Variants in SRGAP3 observed in about 807,000 individuals in gnomAD.
SRGAP3 encodes SLIT-ROBO Rho GTPase activating protein 3, also known as SLIT-ROBO Rho GTPase-activating protein 3.
A neutral mutation model predicts 121.1 loss-of-function variants in SRGAP3; 39 were observed. The ratio of observed to expected loss-of-function variants is 0.32; its 90% CI spans 0.25 to 0.42. The LOEUF (loss-of-function observed/expected upper bound fraction) is 0.42. SRGAP3 is among the 10% of genes least tolerant of loss of function. The pLI is 1.00. For missense variants in SRGAP3, 1,213 were observed against 1,470.6 expected (o/e 0.82, Z 2.86); for synonymous variants, 601 against 570.0 (o/e 1.05, Z -0.77).
At chr3:8,986,473 C>T (rs1449567553) in intron 21 of SRGAP3, among the ~76,000 whole-genome samples, 2 of 152,166 alleles carry the variant, frequency 1.3e-5, no homozygotes, top group African/African-American at 4.8e-5. Flanking sequence ...TTCATTTAAT[C>T]CTCACACTTC....
intron 1 of SRGAP3, among the ~76,000 whole-genome samples, chr3:9,183,918 G>A (rs1169311372): frequency 1.3e-5 from 2 of 151,252 alleles, no homozygotes; most frequent in African/African-American, 2.4e-5. Flanking sequence ...TGCCTCTTTT[G>A]TGGAGCCAGT....
chr3:9,096,966 TATATATATATATATAC>T lies in SRGAP3; in HGVS notation c.423+7698_423+7713del, dbSNP rs1301294005. On this transcript the variant is annotated intron_variant, in intron 3 of 21. Coordinates refer to ENST00000383836, the MANE Select transcript of SRGAP3 (RefSeq NM_014850.4). ...ATATATATATATATATATATATATATATATATATATATATACACATACACACACATATATATATATT... is the reference window on the plus strand; with the variant it reads ...ATATATATATATATATATATATATATACATACACACACATATATATATATT... Among the ~76,000 whole-genome samples, 166 of 95,544 alleles carry T rather than the reference TATATATATATATATAC, an allele frequency of 1.7e-3. 1 individual carries two copies. The highest frequency in any genetic ancestry group is 2.2e-3 in the African/African-American group (36 of 16,506). 62.7% of individuals were successfully genotyped at this position (95,544 alleles called of 152,430 possible). A position where few individuals can be genotyped will look rare whatever the true frequency, so the allele number is the denominator to read the frequency against.
chr3:9,069,017 C>G (rs1946555434), intron 4 of SRGAP3, among the ~76,000 whole-genome samples: 1 of 152,182 alleles, frequency 6.6e-6, no homozygotes, highest in Non-Finnish European at 1.5e-5. Context: ...ATGAGAAAAC[C>G]ATGGCCCAGA....
intron 3 of SRGAP3, among the ~76,000 whole-genome samples, chr3:9,296,053 G>A (rs976502687): frequency 1.3e-5 from 2 of 152,134 alleles, no homozygotes; most frequent in African/African-American, 4.8e-5. Flanking sequence ...ATGGATGTCT[G>A]GTGCTGTTTC....
intron 3 of SRGAP3, among the ~76,000 whole-genome samples, chr3:9,099,846 T>A (rs140428173): frequency 5.1e-4 from 78 of 152,048 alleles, no homozygotes; most frequent in African/African-American, 1.8e-3. Context: ...CGCAGTGAGG[T>A]AATGTTTAAA....
intron 3 of SRGAP3, among the ~76,000 whole-genome samples, chr3:9,285,752 T>C (rs1424967262): frequency 2.1e-5 from 3 of 141,092 alleles, no homozygotes; most frequent in Non-Finnish European, 3.0e-5. Context: ...CTGGGCAACA[T>C]AGTGACGCCC....
chr3:9,012,480 AGC>A (rs564132966), intron 17 of SRGAP3, among the ~76,000 whole-genome samples: 12 of 152,192 alleles, frequency 7.9e-5, no homozygotes, highest in Non-Finnish European at 1.5e-4. Flanking sequence ...AAGCTTTTAA[AGC>A]CCTGACTTTG....
At chr3:9,059,669 C>T in intron 6 of SRGAP3, 1 of 198,756 alleles carries the variant, frequency 5.0e-6, no homozygotes, top group East Asian at 1.3e-4. Flanking sequence ...TGTGGCGTGT[C>T]CTGCACAGCG....
chr3:9,152,242 G>A (rs1037173576), intron 1 of SRGAP3, among the ~76,000 whole-genome samples: 4 of 152,242 alleles, frequency 2.6e-5, no homozygotes, highest in Non-Finnish European at 5.9e-5. Flanking sequence ...ACAACCTCTA[G>A]AAAGGGGAAG....
chr3:9,026,646 C>T (rs1944220217), intron 13 of SRGAP3, among the ~76,000 whole-genome samples: 1 of 152,202 alleles, frequency 6.6e-6, no homozygotes, highest in Admixed American at 6.5e-5. Context: ...TGGCAAACTC[C>T]ATTCAGTGCT....
intron 15 of SRGAP3, 41 bp from the exon 16 acceptor site, chr3:9,013,883 A>G (rs749614784): frequency 2.5e-6 from 4 of 1,588,440 alleles, no homozygotes; most frequent in Non-Finnish European, 3.5e-6. Flanking sequence ...TTTCATCCTC[A>G]GAGAGCAAAG....
chr3:9,047,341 GC>G (rs772222912), intron 10 of SRGAP3, 49 bp downstream of exon 10: 3 of 1,575,364 alleles, frequency 1.9e-6, no homozygotes, highest in Non-Finnish European at 2.6e-6. Context: ...CACAGTGAGA[GC>G]CAGTGGGGAA....
At chr3:9,202,648 T>C (rs1266749467) in intron 1 of SRGAP3, among the ~76,000 whole-genome samples, 4 of 152,164 alleles carry the variant, frequency 2.6e-5, no homozygotes, top group African/African-American at 4.8e-5. Context: ...GCCCCATCTC[T>C]GCTCACCCCC....
intron 4 of SRGAP3, among the ~76,000 whole-genome samples, chr3:9,076,025 G>A (rs768254042): frequency 2.0e-4 from 30 of 152,230 alleles, no homozygotes; most frequent in Non-Finnish European, 4.1e-4. Context: ...TCTGGGCTTG[G>A]CTGTGTAACT....
chr3:9,212,482 G>A (rs1376404873), intron 1 of SRGAP3, among the ~76,000 whole-genome samples: 1 of 147,228 alleles, frequency 6.8e-6, no homozygotes, highest in Non-Finnish European at 1.5e-5. Flanking sequence ...AGCACTTTGG[G>A]AGGCTGAGGC....
chr3:9,064,090 T>C (rs1257485249), intron 5 of SRGAP3, among the ~76,000 whole-genome samples: 1 of 152,126 alleles, frequency 6.6e-6, no homozygotes. Flanking sequence ...TCTGAGAAGG[T>C]GCTTGCTGGG....
chr3:9,281,767 G>A (rs949559819), intron 3 of SRGAP3, among the ~76,000 whole-genome samples: 2 of 152,066 alleles, frequency 1.3e-5, no homozygotes, highest in East Asian at 1.9e-4. Flanking sequence ...CCACCATCCG[G>A]GTTCAAGCGA....
chr3:9,111,788 A>G (rs1033554805), intron 2 of SRGAP3, among the ~76,000 whole-genome samples: 1 of 152,286 alleles, frequency 6.6e-6, no homozygotes. Flanking sequence ...CATCAGAATG[A>G]ATGAGGGCCA....
chr3:9,299,066 A>AG (rs1285060739), intron 3 of SRGAP3, among the ~76,000 whole-genome samples: 74 of 150,026 alleles, frequency 4.9e-4, no homozygotes, highest in Middle Eastern at 3.4e-3. Context: ...AAAAAAAAAA[A>AG]AAAAGAAAAT....
Sources: gnomAD v4.1 joint callset for allele counts (sites outside exome capture counted in the v4.1 genomes callset) on GRCh38, gnomAD v4.1.1 for gene constraint, MANE v1.5 for transcripts, NCBI Gene and HGNC (gene_info 2026-07-23, HGNC 2026-07-21) for gene names.